CRY2: variants seen among roughly 807,000 people sequenced by gnomAD.
The protein encoded by CRY2 is cryptochrome-2.
CRY2 carries 31 observed loss-of-function variants against 69.5 expected under a neutral mutation model. The ratio of observed to expected loss-of-function variants is 0.45; its 90% CI spans 0.34 to 0.60. The LOEUF is 0.60. Among genes scored for constraint, CRY2 ranks in the 20% least tolerant of loss-of-function variants. The pLI, the probability that CRY2 is intolerant of heterozygous loss-of-function variation, is 0.02. For synonymous variants in CRY2, 303 were observed against 312.2 expected, an observed-to-expected ratio of 0.97 and a Z score of 0.31; for missense variants, 606 against 797.8, an observed-to-expected ratio of 0.76 and a Z score of 2.90.
rs115641138 is a variant in CRY2 at position 45,875,321 on chromosome 11, G to A, written c.*2+3088G>A. On this transcript the variant is annotated intron_variant, in intron 11 of 11. Coordinates refer to ENST00000616080, the MANE Select transcript of CRY2 (RefSeq NM_021117.5). ...GTTACAGTTGGGTCTGATTATGGAG[G>A]GTTGTAAATGGCAGGCACATGAGTC... Among the ~76,000 whole-genome samples, 705 of 152,288 alleles carry A rather than the reference G, an allele frequency of 4.6e-3. 9 individuals carry two copies. Among genetic ancestry groups the A allele is most frequent in the African/African-American group, 0.017 (694 of 41,540 alleles).
At chr11:45,872,569 G>T (rs2086394651) in intron 11 of CRY2, among the ~76,000 whole-genome samples, 1 of 151,960 alleles carries the variant, frequency 6.6e-6, no homozygotes, top group African/African-American at 2.4e-5. Context: ...AACATAGTGA[G>T]ACTCCATCTC....
intron 11 of CRY2, among the ~76,000 whole-genome samples, chr11:45,879,522 T>A (rs1357375465): frequency 6.6e-6 from 1 of 152,266 alleles, no homozygotes; most frequent in Admixed American, 6.5e-5. Context: ...TCTCTAAAAG[T>A]CTTAATGAGC....
rs932769045 is a variant in CRY2, at chr11:45,867,625, A to G, written c.755A>G (p.Asn252Ser). ...KHLERKAWVA[N>S]YERPRMNANS... Reference sequence around the variant, plus strand: ...TTTCTGCTGTAGGCCTGGGTTGCCAACTATGAGAGACCCCGAATGAACGCC... The same window carrying G: ...TTTCTGCTGTAGGCCTGGGTTGCCAGCTATGAGAGACCCCGAATGAACGCC... The change falls in exon 6 of 12, where the codon AAC becomes AGC. Residue 252 changes from asparagine to serine, a missense_variant. By Grantham distance (46) the Asn-to-Ser change is conservative. Coordinates refer to ENST00000616080, the MANE Select transcript of CRY2 (RefSeq NM_021117.5). The G allele has an allele frequency of 6.2e-7, 1 of 1,614,210 alleles. No homozygotes were observed. The highest frequency in any genetic ancestry group is 2.2e-5 in the East Asian group (1 of 44,888).
intron 11 of CRY2, among the ~76,000 whole-genome samples, chr11:45,873,018 C>T (rs1349234150): frequency 6.6e-6 from 1 of 152,218 alleles, no homozygotes; most frequent in African/African-American, 2.4e-5. Flanking sequence ...GCGGCCTCTC[C>T]TCCCTTCTCA....
intron 2 of CRY2, among the ~76,000 whole-genome samples, chr11:45,856,624 G>A (rs557721665): frequency 2.4e-4 from 36 of 152,092 alleles, no homozygotes; most frequent in Non-Finnish European, 4.1e-4. Context: ...GTGAAACCCC[G>A]TCTCTACTAA....
At chr11:45,879,453 T>C (rs1033280288) in intron 11 of CRY2, among the ~76,000 whole-genome samples, 1 of 152,266 alleles carries the variant, frequency 6.6e-6, no homozygotes, top group African/African-American at 2.4e-5. Context: ...AATTCACATG[T>C]ATGTCTGTTG....
chr11:45,867,505 C>G (rs1280703235), intron 5 of CRY2, 107 bp from the exon 6 acceptor site: 7 of 1,435,272 alleles, frequency 4.9e-6, no homozygotes. Context: ...GGCTCCATGG[C>G]TGGCTGTTCT....
chr11:45,864,855 G>A (rs1397140307), intron 5 of CRY2, among the ~76,000 whole-genome samples: 4 of 152,104 alleles, frequency 2.6e-5, no homozygotes, highest in Non-Finnish European at 5.9e-5. Flanking sequence ...TTGACAGAAT[G>A]AGACTCTGTC....
chr11:45,847,736 C>T (rs1301464226), intron 1 of CRY2, 31 bp downstream of exon 1: 5 of 1,525,026 alleles, frequency 3.3e-6, no homozygotes, highest in Non-Finnish European at 4.4e-6. Context: ...GTGGCGGGGA[C>T]GCAGCCAGGA....
rs1217835092 is a variant in CRY2 at position 45,881,064 on chromosome 11, C to T, written c.*153C>T. 6.6e-6 allele frequency: 1 copy of T among 152,442 alleles called. No individual in the cohort carries two copies. The highest frequency in any genetic ancestry group is 1.5e-5 in the Non-Finnish European group (1 of 68,266). The allele number at this position is 152,442 out of a possible 1,614,324, so 9.4% of individuals were successfully genotyped here. On this transcript the variant is annotated 3_prime_UTR_variant, in exon 12 of 12. Coordinates refer to ENST00000616080, the MANE Select transcript of CRY2 (RefSeq NM_021117.5). ...GTGTGCAGAGGAGGGAGTGGTGTGCCTGTTTGTGTGTGCATGCATCTGTTG... is the reference window on the plus strand; with the variant it reads ...GTGTGCAGAGGAGGGAGTGGTGTGCTTGTTTGTGTGTGCATGCATCTGTTG...
rs2086488348 is a variant in CRY2, at chr11:45,882,988, G to T, written c.*2077G>T. 2.9e-6 allele frequency: 1 copy of T among 345,756 alleles called. No homozygotes were observed. The highest frequency in any genetic ancestry group is 5.2e-6 in the Non-Finnish European group (1 of 192,922). 21.4% of individuals were successfully genotyped at this position (345,756 alleles called of 1,614,324 possible). On this transcript the variant is annotated 3_prime_UTR_variant, in exon 12 of 12. Coordinates refer to ENST00000616080, the MANE Select transcript of CRY2 (RefSeq NM_021117.5). ...GCAGTGCACTCCTGGAGCCAAGAGG[G>T]AAGGGCAGGGTAGAGAGGGTATGTC...
intron 1 of CRY2, among the ~76,000 whole-genome samples, chr11:45,855,532 A>G (rs994096949): frequency 5.3e-5 from 8 of 152,208 alleles, no homozygotes; most frequent in African/African-American, 1.9e-4. Context: ...AGATACTTAT[A>G]TCTAGCCCCA....
At chr11:45,870,592 C>A in intron 9 of CRY2, 60 bp downstream of exon 9, 1 of 1,574,282 alleles carries the variant, frequency 6.4e-7, no homozygotes. Flanking sequence ...GCTCAGGGGG[C>A]CAGATGGGGA....
intron 1 of CRY2, among the ~76,000 whole-genome samples, chr11:45,850,457 A>T (rs1419457967): frequency 2.6e-5 from 4 of 152,184 alleles, no homozygotes; most frequent in Non-Finnish European, 5.9e-5. Flanking sequence ...GAAGAAAGAG[A>T]TGAAGTAACA....
At chr11:45,863,758 T>A (rs2086307557) in intron 5 of CRY2, among the ~76,000 whole-genome samples, 1 of 151,994 alleles carries the variant, frequency 6.6e-6, no homozygotes. Flanking sequence ...GTGCTTTCCC[T>A]GGCCAGACTT....
intron 11 of CRY2, among the ~76,000 whole-genome samples, chr11:45,880,338 G>A (rs961740464): frequency 3.3e-5 from 5 of 152,070 alleles, no homozygotes; most frequent in African/African-American, 4.8e-5. Context: ...CCCAGATTCC[G>A]GATGTCATAA....
rs1314584320 is a variant in CRY2, at chr11:45,867,635, A to G, written c.765A>G (p.Arg255=). 3.1e-6 allele frequency: 5 copies of G among 1,613,862 alleles called. No homozygotes were observed. In the South Asian group the frequency reaches 5.5e-5, roughly 18 times the overall value. ...AGGCCTGGGTTGCCAACTATGAGAG[A>G]CCCCGAATGAACGCCAACTCCCTCC... ...ERKAWVANYE[R]PRMNANSLLA... Residue 255 remains arginine, a synonymous_variant, in exon 6 of 12, where the codon AGA becomes AGG. Coordinates refer to ENST00000616080, the MANE Select transcript of CRY2 (RefSeq NM_021117.5).
chr11:45,869,964 G>T (rs1446726962), intron 7 of CRY2, 89 bp from the exon 8 acceptor site: 1 of 1,519,506 alleles, frequency 6.6e-7, no homozygotes, highest in Non-Finnish European at 8.8e-7. Flanking sequence ...TCAATGGAAG[G>T]GTTTTGGCTC....
At chr11:45,870,767 C>A in intron 9 of CRY2, 75 bp from the exon 10 acceptor site, 1 of 1,335,484 alleles carries the variant, frequency 7.5e-7, no homozygotes, top group Non-Finnish European at 1.1e-6. Context: ...CCCACCCCCA[C>A]TTGCTTCATC....
Sources: gnomAD v4.1 joint callset for allele counts (sites outside exome capture counted in the v4.1 genomes callset) on GRCh38, gnomAD v4.1.1 for gene constraint, MANE v1.5 for transcripts, NCBI Gene and HGNC (gene_info 2026-07-23, HGNC 2026-07-21) for gene names.